The following LYPLAL1 variants were observed in gnomAD, a reference collection of about 807,000 sequenced individuals.
LYPLAL1 encodes lysophospholipase like 1.
A neutral mutation model predicts 19.7 loss-of-function variants in LYPLAL1; 23 were observed. The ratio of observed to expected loss-of-function variants is 1.17; its 90% CI spans 0.84 to 1.65. LYPLAL1 has a LOEUF of 1.65. LYPLAL1 is among the 40% of genes most tolerant of loss of function. LYPLAL1 has a pLI of 0.00. For synonymous variants in LYPLAL1, 119 were observed against 96.3 expected (o/e 1.24, Z -1.38); for missense variants, 355 against 279.4 (o/e 1.27, Z -1.93).
chr1:219,226,121 T>G, the LYPLAL1 span, among the ~76,000 whole-genome samples: 1 of 152,218 alleles, frequency 6.6e-6, no homozygotes, highest in African/African-American at 2.4e-5. Context: ...CTGTACCCAC[T>G]ACATATTTTG....
At chr1:219,207,315 A>G (rs1420076549) in intron 3 of LYPLAL1, among the ~76,000 whole-genome samples, 1 of 152,096 alleles carries the variant, frequency 6.6e-6, no homozygotes, top group African/African-American at 2.4e-5. Context: ...GATTTATGGC[A>G]TAAGAGCTTT....
chr1:219,383,513 T>A, the LYPLAL1 span, among the ~76,000 whole-genome samples: 1 of 152,204 alleles, frequency 6.6e-6, no homozygotes, highest in Non-Finnish European at 1.5e-5. Context: ...ACAGGCCACA[T>A]CTCTGATGGA....
At chr1:219,212,954 C>T (rs146096643), downstream of LYPLAL1, 2 of 151,982 alleles carry the variant, frequency 1.3e-5, no homozygotes, top group African/African-American at 4.8e-5. Context: ...TATAACCTTC[C>T]AAGAAATAGC....
At chr1:219,353,738 A>G in the LYPLAL1 span, among the ~76,000 whole-genome samples, 2 of 152,242 alleles carry the variant, frequency 1.3e-5, no homozygotes, top group Non-Finnish European at 2.9e-5. Context: ...TATGTCTAGC[A>G]TCTGATCAAA....
At chr1:219,270,277 G>A in the LYPLAL1 span, among the ~76,000 whole-genome samples, 1 of 152,258 alleles carries the variant, frequency 6.6e-6, no homozygotes, top group East Asian at 1.9e-4. Flanking sequence ...CAGAGTGGAA[G>A]TTTAATAGGT....
chr1:219,393,496 A>G, the LYPLAL1 span, among the ~76,000 whole-genome samples: 2 of 152,168 alleles, frequency 1.3e-5, no homozygotes, highest in Non-Finnish European at 2.9e-5. Flanking sequence ...ACTGGGGAGG[A>G]TACCTGTGTC....
the LYPLAL1 span, among the ~76,000 whole-genome samples, chr1:219,379,648 A>T: frequency 0.28 from 42,531 of 152,148 alleles, 6,281 homozygotes; most frequent in East Asian, 0.5. Context: ...CTATGCAGTG[A>T]TTTCTATGTC....
chr1:219,220,474 A>C, the LYPLAL1 span, among the ~76,000 whole-genome samples: 5 of 151,888 alleles, frequency 3.3e-5, no homozygotes, highest in African/African-American at 9.7e-5. Context: ...AAAGAGCATC[A>C]TCATGCCCAG....
At chr1:219,436,307 G>A in the LYPLAL1 span, among the ~76,000 whole-genome samples, 2 of 152,112 alleles carry the variant, frequency 1.3e-5, no homozygotes, top group South Asian at 4.1e-4. Context: ...GTATTTGTGG[G>A]CCCCCTTTTC....
At chr1:219,266,712 TTATAATGTTA>T in the LYPLAL1 span, among the ~76,000 whole-genome samples, 3 of 152,168 alleles carry the variant, frequency 2.0e-5, no homozygotes, top group African/African-American at 7.2e-5. Flanking sequence ...ATACGTTGCA[TTATAATGTTA>T]TAATGGCTGA....
intron 3 of LYPLAL1, among the ~76,000 whole-genome samples, chr1:219,194,471 A>G (rs759669317): frequency 6.6e-6 from 1 of 152,038 alleles, no homozygotes; most frequent in Non-Finnish European, 1.5e-5. Flanking sequence ...ATGTGCAGAT[A>G]AGTAAAGCAA....
the LYPLAL1 span, among the ~76,000 whole-genome samples, chr1:219,291,725 C>T: frequency 6.6e-6 from 1 of 151,958 alleles, no homozygotes; most frequent in Non-Finnish European, 1.5e-5. Context: ...CTTCTATGCA[C>T]CTAGATTAGT....
chr1:219,251,493 A>G, the LYPLAL1 span, among the ~76,000 whole-genome samples: 10 of 152,224 alleles, frequency 6.6e-5, no homozygotes, highest in East Asian at 1.9e-3. Context: ...TCTTCTGCAT[A>G]TGGCTAGCCA....
Position 219,174,629 on chromosome 1 carries a change from G to C in LYPLAL1, c.91+648G>C, listed in dbSNP as rs914948862. ...TCTTCCACTACCTGCCCTTAGTAAC[G>C]TGTGCTTAATGCTGTATCGTTACTT... is the stretch of plus-strand genomic sequence containing the variant. On this transcript the variant is annotated intron_variant, in intron 1 of 4. Transcript: ENST00000366928. Among the ~76,000 whole-genome samples the C allele has an allele frequency of 4.6e-5, 7 of 152,042 alleles. No individual in the cohort carries two copies. The East Asian group carries it at 1.2e-3, about 25-fold the overall frequency.
chr1:219,309,120 C>T, the LYPLAL1 span, among the ~76,000 whole-genome samples: 344 of 152,316 alleles, frequency 2.3e-3, 1 homozygote, highest in African/African-American at 7.7e-3. Context: ...TTGGAGCTTT[C>T]AAATTTGACT....
At chr1:219,391,446 G>C in the LYPLAL1 span, among the ~76,000 whole-genome samples, 1 of 152,018 alleles carries the variant, frequency 6.6e-6, no homozygotes, top group Non-Finnish European at 1.5e-5. Flanking sequence ...AGTTGTCTTT[G>C]GAGGCTGTTT....
chr1:219,193,837 TG>T (rs1245687357), intron 3 of LYPLAL1, among the ~76,000 whole-genome samples: 2 of 151,828 alleles, frequency 1.3e-5, no homozygotes, highest in Non-Finnish European at 2.9e-5. Context: ...AAAAGTGAGA[TG>T]GGGCATGTAG....
intron 1 of LYPLAL1, among the ~76,000 whole-genome samples, chr1:219,178,649 T>C (rs1281730875): frequency 1.3e-5 from 2 of 152,206 alleles, no homozygotes; most frequent in African/African-American, 4.8e-5. Flanking sequence ...AATTAAATTA[T>C]GATTTTTTCA....
the LYPLAL1 span, among the ~76,000 whole-genome samples, chr1:219,432,258 G>A: frequency 6.6e-6 from 1 of 152,156 alleles, no homozygotes; most frequent in Admixed American, 6.5e-5. Context: ...TTTCTTTGAT[G>A]TCCCTAGCCA....
Sources: allele counts gnomAD v4.1 joint callset (sites outside exome capture counted in the v4.1 genomes callset), GRCh38; gene constraint gnomAD v4.1.1; transcripts MANE v1.5; gene names NCBI Gene and HGNC (gene_info 2026-07-23, HGNC 2026-07-21).